The following CCDC102A variants were observed in gnomAD, a reference collection of about 807,000 sequenced individuals.
CCDC102A encodes coiled-coil domain containing 102A, also known as coiled-coil domain-containing protein 102A.
A neutral mutation model predicts 55.5 loss-of-function variants in CCDC102A; 40 were observed. The observed-to-expected ratio is 0.72, with a 90% CI of 0.56 to 0.94. The LOEUF (loss-of-function observed/expected upper bound fraction) is 0.94, where lower values mean the gene tolerates loss of function less well. Ranked by LOEUF, CCDC102A falls within the 40% of genes least tolerant of loss-of-function variation. The probability of loss-of-function intolerance (pLI) is 0.00; values close to 1 mark genes in which losing one functional copy is unlikely to be tolerated. For synonymous variants in CCDC102A, 323 were observed against 339.0 expected (o/e 0.95, Z 0.52); for missense variants, 779 against 768.6 (o/e 1.01, Z -0.16).
intron 3 of CCDC102A, among the ~76,000 whole-genome samples, chr16:57,521,586 T>C (rs1279599415): frequency 1.3e-5 from 2 of 152,240 alleles, no homozygotes; most frequent in African/African-American, 2.4e-5. Flanking sequence ...GTCTGTTTTG[T>C]AGACTATGTT....
intron 1 of CCDC102A, among the ~76,000 whole-genome samples, chr16:57,533,089 G>A (rs1359783500): frequency 6.6e-6 from 1 of 152,180 alleles, no homozygotes; most frequent in Non-Finnish European, 1.5e-5. Context: ...GGTCTCTAAT[G>A]GCTTCCAGGC....
intron 4 of CCDC102A, among the ~76,000 whole-genome samples, chr16:57,519,825 C>T (rs1220800631): frequency 1.3e-5 from 2 of 152,234 alleles, no homozygotes; most frequent in East Asian, 3.8e-4. Context: ...CAGAGATTCT[C>T]ATGTAAGACC....
intron 1 of CCDC102A, among the ~76,000 whole-genome samples, chr16:57,531,694 T>C (rs1048002519): frequency 7.9e-5 from 12 of 152,164 alleles, no homozygotes; most frequent in Admixed American, 7.9e-4. Context: ...CGCAAGCCAC[T>C]GATCCCACCA....
rs1317374792 is a variant in CCDC102A at position 57,529,694 on chromosome 16, T to G, written c.-147-370A>C. On this transcript the variant is annotated intron_variant, in intron 1 of 8. Coordinates refer to ENST00000258214, the MANE Select transcript of CCDC102A (RefSeq NM_033212.4). This position sits in a 1 kb window ranked among gnomAD's most constrained non-coding sequence, Gnocchi z 4.1. Reference sequence around the variant, plus strand: ...CTCCCTGCCTTTTCCTGCACTGGGCTAACTCTTCTCATATTTAAGACTCTT... The same window carrying G: ...CTCCCTGCCTTTTCCTGCACTGGGCGAACTCTTCTCATATTTAAGACTCTT... 3.3e-5 allele frequency among the ~76,000 whole-genome samples: 5 copies of G among 152,170 alleles called. No individual in the cohort carries two copies. The highest frequency in any genetic ancestry group is 7.3e-5 in the Non-Finnish European group (5 of 68,030).
At chr16:57,531,090 G>A (rs117507881) in intron 1 of CCDC102A, among the ~76,000 whole-genome samples, 6 of 151,772 alleles carry the variant, frequency 4.0e-5, no homozygotes, top group Non-Finnish European at 8.8e-5. Context: ...CGATATCCCT[G>A]CCCGAGCCAT....
chr16:57,529,083 A>C lies in CCDC102A; in HGVS notation c.95T>G (p.Met32Arg). The C allele has an allele frequency of 2.6e-6, 3 of 1,168,220 alleles. No individual in the cohort carries two copies. The highest frequency in any genetic ancestry group is 3.2e-6 in the Non-Finnish European group (3 of 947,032). The allele number at this position is 1,168,220 out of a possible 1,614,324, so 72.4% of individuals were successfully genotyped here. A position where few individuals can be genotyped will look rare whatever the true frequency, so the allele number is the denominator to read the frequency against. The change falls in exon 2 of 9, where the codon ATG becomes AGG. Residue 32 changes from methionine to arginine, a missense_variant. Transcript: ENST00000258214. The surrounding 1 kb of genome is among the most constrained non-coding windows in gnomAD (Gnocchi z 4.1). ...GGGCGGCAAGGAGTCGGCAGGCCCC[A>C]TGCGCTCCGGCGACGGGCTGCCCAG... ...TILGSPSPERMGPADSLPPTP... is the reference protein window; with the variant it reads ...TILGSPSPERRGPADSLPPTP...
chr16:57,517,094 C>T (rs1466597666), intron 6 of CCDC102A, among the ~76,000 whole-genome samples: 2 of 152,090 alleles, frequency 1.3e-5, no homozygotes, highest in East Asian at 1.9e-4. Flanking sequence ...GCCTGTCTTC[C>T]CATCCTCTGC....
chr16:57,531,396 C>A (rs1349337011), intron 1 of CCDC102A, among the ~76,000 whole-genome samples: 1 of 152,084 alleles, frequency 6.6e-6, no homozygotes, highest in Non-Finnish European at 1.5e-5. Context: ...TGCTGTGCAT[C>A]CGCCTTCCAT....
chr16:57,527,671 T>C (rs571443824), intron 2 of CCDC102A, among the ~76,000 whole-genome samples: 2 of 152,292 alleles, frequency 1.3e-5, no homozygotes, highest in South Asian at 2.1e-4. Flanking sequence ...CCACCAGCTT[T>C]GGCCTCCCAA....
intron 1 of CCDC102A, among the ~76,000 whole-genome samples, chr16:57,535,877 G>A (rs907861481): frequency 9.9e-5 from 15 of 152,150 alleles, no homozygotes; most frequent in Non-Finnish European, 2.1e-4. Flanking sequence ...CTGGGAGAGC[G>A]GGGGTGGGAA....
At position 57,512,270 on chromosome 16, in the gene CCDC102A, G is replaced by A. The variant is rs1363300228; in HGVS notation, c.*471C>T. 1.0e-5 allele frequency: 4 copies of A among 395,996 alleles called. No individual in the cohort carries two copies. The highest frequency in any genetic ancestry group is 1.4e-4 in the South Asian group (1 of 7,184). The allele number at this position is 395,996 out of a possible 1,614,324, so 24.5% of individuals were successfully genotyped here. ...GCCGATGCCGTCCCCCACAACCCCC[G>A]CCCACATCTGCCATACTTTCAGATG... On this transcript the variant is annotated 3_prime_UTR_variant, in exon 9 of 9. Transcript: ENST00000258214.
At chr16:57,515,704 T>C (rs1336815137) in intron 7 of CCDC102A, among the ~76,000 whole-genome samples, 1 of 151,878 alleles carries the variant, frequency 6.6e-6, no homozygotes, top group Admixed American at 6.6e-5. Flanking sequence ...CCTCCTATCC[T>C]TCTGTCCCCA....
intron 4 of CCDC102A, 59 bp from the exon 5 acceptor site, chr16:57,518,800 C>T: frequency 7.2e-7 from 1 of 1,385,544 alleles, no homozygotes; most frequent in African/African-American, 1.4e-5. Context: ...CTGGAACCAC[C>T]TCCGGGGGTG....
At chr16:57,522,377 T>C (rs1037513724) in intron 3 of CCDC102A, among the ~76,000 whole-genome samples, 41 of 152,140 alleles carry the variant, frequency 2.7e-4, no homozygotes, top group African/African-American at 9.7e-4. Context: ...TCCAGAGCAC[T>C]GGGCATCTCT....
At chr16:57,518,804 G>A (rs761697245) in intron 4 of CCDC102A, 63 bp from the exon 5 acceptor site, 21 of 1,327,036 alleles carry the variant, frequency 1.6e-5, no homozygotes, top group South Asian at 1.1e-4. Flanking sequence ...AACCACCTCC[G>A]GGGGTGGGCG....
intron 3 of CCDC102A, among the ~76,000 whole-genome samples, chr16:57,525,075 TTTTATTTATTTATTTATTTA>T (rs3030605): frequency 1.3e-5 from 2 of 149,438 alleles, no homozygotes; most frequent in African/African-American, 5.0e-5. Context: ...ACGCTCATCG[TTTTATTTATTTATTTATTTA>T]TTTATTTATT....
rs2032199273 is a variant in CCDC102A, at chr16:57,528,937, C to T, written c.241G>A (p.Glu81Lys). 4.3e-6 allele frequency: 6 copies of T among 1,393,490 alleles called. No homozygotes were observed. Among genetic ancestry groups the T allele is most frequent in the South Asian group, 1.3e-5 (1 of 79,636 alleles). The allele number at this position is 1,393,490 out of a possible 1,614,324, so 86.3% of individuals were successfully genotyped here. ...TGCGCCGCCCGCGCCCGCGCCTCCT[C>T]CAGCTCCCGCAGCCGCAGCTCCTCG... ...SREELRLREL[E>K]EARARAAQME... The change falls in exon 2 of 9, where the codon GAG becomes AAG. Residue 81 changes from glutamate to lysine, a missense_variant. By Grantham distance (56) the Glu-to-Lys change is moderately conservative. Coordinates refer to ENST00000258214, the MANE Select transcript of CCDC102A (RefSeq NM_033212.4).
At chr16:57,535,639 G>GCCCCAC in intron 1 of CCDC102A, among the ~76,000 whole-genome samples, 1 of 124,966 alleles carries the variant, frequency 8.0e-6, no homozygotes, top group East Asian at 2.5e-4. Flanking sequence ...CCCGACCCCA[G>GCCCCAC]CCCCACCCCT....
Position 57,512,978 on chromosome 16 carries a change from GC to G in CCDC102A, c.1524-109del, listed in dbSNP as rs141876040. 3,383 of 877,142 alleles carry G rather than the reference GC, an allele frequency of 3.9e-3. 64 individuals carry two copies. In the African/African-American group the frequency reaches 0.048, roughly 12 times the overall value. 54.3% of individuals were successfully genotyped at this position (877,142 alleles called of 1,614,324 possible). A position where few individuals can be genotyped will look rare whatever the true frequency, so the allele number is the denominator to read the frequency against. Reference sequence around the variant, plus strand: ...TTAAGCCTTCCCTGGTGCTTTCCCTGCTGTCTCATCTCCTGTAATCTCCTTA... The same window carrying G: ...TTAAGCCTTCCCTGGTGCTTTCCCTGTGTCTCATCTCCTGTAATCTCCTTA... On this transcript the variant is annotated intron_variant, in intron 8 of 8. Coordinates refer to ENST00000258214, the MANE Select transcript of CCDC102A (RefSeq NM_033212.4).
Sources: gnomAD v4.1 joint callset for allele counts (sites outside exome capture counted in the v4.1 genomes callset) on GRCh38, gnomAD v4.1.1 for gene constraint, Gnocchi (gnomAD v3.1) non-coding constraint, MANE v1.5 for transcripts, NCBI Gene and HGNC (gene_info 2026-07-23, HGNC 2026-07-21) for gene names.